GSDMC: variants seen among roughly 807,000 people sequenced by gnomAD.
The protein encoded by GSDMC is gasdermin C, also known as gasdermin-C.
In GSDMC, 59 loss-of-function variants were observed where a neutral mutation model predicts 58.0. That is an observed-to-expected ratio of 1.02 (90% CI 0.82 to 1.26). The LOEUF is 1.26. Among genes scored for constraint, GSDMC ranks in the 50% most tolerant of loss-of-function variants. GSDMC has a pLI of 0.00. For synonymous variants in GSDMC, 241 were observed against 220.2 expected, an observed-to-expected ratio of 1.09 and a Z score of -0.83; for missense variants, 659 against 598.5, an observed-to-expected ratio of 1.10 and a Z score of -1.06.
At chr8:129,768,804 G>A (rs1020323321) in intron 3 of GSDMC, among the ~76,000 whole-genome samples, 3 of 152,180 alleles carry the variant, frequency 2.0e-5, no homozygotes, top group Non-Finnish European at 4.4e-5. Flanking sequence ...TGACAGCCAG[G>A]GCCAGTGGCT....
chr8:129,778,410 G>A (rs150012714), intron 1 of GSDMC, among the ~76,000 whole-genome samples: 2,164 of 152,224 alleles, frequency 0.014, 59 homozygotes, highest in African/African-American at 0.049. Context: ...GCCATAAGCA[G>A]AAGAGTGAAA....
the GSDMC span, among the ~76,000 whole-genome samples, chr8:129,741,529 A>C: frequency 3.3e-5 from 5 of 152,134 alleles, no homozygotes; most frequent in African/African-American, 1.2e-4. Flanking sequence ...TCAATGCTCA[A>C]TCATCAGGGA....
At chr8:129,760,944 A>C (rs2033636220) in intron 5 of GSDMC, among the ~76,000 whole-genome samples, 1 of 152,150 alleles carries the variant, frequency 6.6e-6, no homozygotes, top group Non-Finnish European at 1.5e-5. Context: ...TTCTGTGTAG[A>C]GAAATATGCT....
At position 129,750,430 on chromosome 8, in the gene GSDMC, C is replaced by T. The variant is rs200589285; in HGVS notation, c.1083+1G>A. The T allele has an allele frequency of 3.7e-6, 6 of 1,612,938 alleles. No homozygotes were observed. In the Admixed American group the frequency reaches 6.7e-5, roughly 18 times the overall value. The stretch of plus-strand genomic sequence containing the variant: ...ACCTATGCAACTGTGGAGCCCCTCA[C>T]CATGTTCATCAGGTCCTGTAGAGCC... On this transcript the variant is annotated splice_donor_variant, in intron 11 of 13. Coordinates refer to ENST00000276708, the MANE Select transcript of GSDMC (RefSeq NM_031415.3). LOFTEE classifies it high-confidence loss of function.
chr8:129,783,438 T>C (rs993862611), intron 1 of GSDMC, among the ~76,000 whole-genome samples: 12 of 152,162 alleles, frequency 7.9e-5, no homozygotes, highest in African/African-American at 2.9e-4. Flanking sequence ...AGCACTTCTA[T>C]ATGCCAACAG....
chr8:129,717,148 G>T, the GSDMC span, among the ~76,000 whole-genome samples: 1 of 152,128 alleles, frequency 6.6e-6, no homozygotes, highest in Non-Finnish European at 1.5e-5. Context: ...AGTTAAGGAG[G>T]AGCCCCTCTT....
At chr8:129,712,257 A>T in the GSDMC span, among the ~76,000 whole-genome samples, 8 of 152,160 alleles carry the variant, frequency 5.3e-5, no homozygotes, top group Admixed American at 5.2e-4. Context: ...CTACCTTAGA[A>T]GTTTTATTTT....
At chr8:129,712,383 A>G in the GSDMC span, among the ~76,000 whole-genome samples, 3 of 152,222 alleles carry the variant, frequency 2.0e-5, no homozygotes, top group African/African-American at 7.2e-5. Flanking sequence ...CCAAGCTACA[A>G]TTCCCAGAAA....
intron 1 of GSDMC, among the ~76,000 whole-genome samples, chr8:129,783,831 A>T (rs1384277085): frequency 1.3e-5 from 2 of 152,214 alleles, no homozygotes; most frequent in African/African-American, 4.8e-5. Flanking sequence ...ATATTATCTG[A>T]CATCAAATTA....
At chr8:129,777,304 G>T in intron 2 of GSDMC, 64 bp downstream of exon 2, 1 of 969,248 alleles carries the variant, frequency 1.0e-6, no homozygotes, top group Non-Finnish European at 1.6e-6. Context: ...TGGATGGTGG[G>T]CCATCTTTTT....
the GSDMC span, among the ~76,000 whole-genome samples, chr8:129,728,333 C>T: frequency 2.0e-5 from 3 of 152,154 alleles, no homozygotes; most frequent in South Asian, 6.2e-4. Context: ...GCAGAGGAGT[C>T]CTCTGCTACA....
chr8:129,741,544 T>G, the GSDMC span, among the ~76,000 whole-genome samples: 1 of 152,100 alleles, frequency 6.6e-6, no homozygotes, highest in Non-Finnish European at 1.5e-5. Flanking sequence ...CAGGGAAATA[T>G]TCTAATCATC....
the GSDMC span, among the ~76,000 whole-genome samples, chr8:129,741,564 C>T: frequency 5.9e-5 from 9 of 151,770 alleles, no homozygotes; most frequent in African/African-American, 2.2e-4. Flanking sequence ...CAGGAAAATG[C>T]AAATTAAAAT....
rs1293482284 is a variant in GSDMC, at chr8:129,777,565, ATGCGT to A, written c.18_22del (p.Glu6AspfsTer2). The A allele has an allele frequency of 1.2e-6, 2 of 1,606,620 alleles. No homozygotes were observed. The highest frequency in any genetic ancestry group is 1.7e-6 in the Non-Finnish European group (2 of 1,174,660). Reference sequence around the variant, plus strand: ...AATCTCTTTGACCAAATTTTTGCTAATGCGTTCCAACATGGAGGGCATGTTGCTAG... The same window carrying A: ...AATCTCTTTGACCAAATTTTTGCTAATCCAACATGGAGGGCATGTTGCTAG... On this transcript the variant is annotated frameshift_variant, in exon 2 of 14. Transcript: ENST00000276708. LOFTEE classifies it high-confidence loss of function.
chr8:129,729,535 C>T, the GSDMC span, among the ~76,000 whole-genome samples: 1 of 152,134 alleles, frequency 6.6e-6, no homozygotes, highest in African/African-American at 2.4e-5. Context: ...TGTTCAATTC[C>T]CACCTGTAAG....
intron 3 of GSDMC, 54 bp downstream of exon 3, chr8:129,776,047 GA>G: frequency 2.2e-6 from 3 of 1,366,498 alleles, no homozygotes; most frequent in Non-Finnish European, 3.0e-6. Context: ...TGTGTTCAAG[GA>G]AAACACCCCC....
downstream of GSDMC, among the ~76,000 whole-genome samples, chr8:129,743,993 A>AAGTTAAGT (rs1261371501): frequency 6.6e-6 from 1 of 152,006 alleles, no homozygotes; most frequent in Non-Finnish European, 1.5e-5. Context: ...ATACATGCAC[A>AAGTTAAGT]AGTTAAGTAT....
chr8:129,770,253 G>A (rs564594700), intron 3 of GSDMC, among the ~76,000 whole-genome samples: 11 of 152,266 alleles, frequency 7.2e-5, no homozygotes, highest in African/African-American at 2.6e-4. Context: ...TCAGCACTTT[G>A]GGAGTCCAAG....
chr8:129,761,560 A>G (rs2033661837), intron 5 of GSDMC, among the ~76,000 whole-genome samples: 1 of 152,168 alleles, frequency 6.6e-6, no homozygotes, highest in Non-Finnish European at 1.5e-5. Flanking sequence ...TTATCTGACC[A>G]CATCATTTTC....
Sources: allele counts gnomAD v4.1 joint callset (sites outside exome capture counted in the v4.1 genomes callset), GRCh38; gene constraint gnomAD v4.1.1; transcripts MANE v1.5; gene names NCBI Gene and HGNC (gene_info 2026-07-23, HGNC 2026-07-21).